The following MAGI1 variants were observed in gnomAD, a reference collection of about 807,000 sequenced individuals.
MAGI1 encodes membrane-associated guanylate kinase, WW and PDZ domain-containing protein 1.
MAGI1 carries 58 observed loss-of-function variants against 139.9 expected under a neutral mutation model. That is an observed-to-expected ratio of 0.41 (90% CI 0.34 to 0.52). The LOEUF is 0.52. Ranked by LOEUF, MAGI1 falls within the 20% of genes least tolerant of loss-of-function variation. MAGI1 has a pLI of 0.12. For missense variants in MAGI1, 1,874 were observed against 1,901.6 expected (o/e 0.99, Z 0.27); for synonymous variants, 812 against 737.9 (o/e 1.10, Z -1.63).
intron 12 of MAGI1, among the ~76,000 whole-genome samples, chr3:65,419,139 C>A (rs894077349): frequency 2.6e-5 from 4 of 152,032 alleles, no homozygotes; most frequent in Non-Finnish European, 4.4e-5. Context: ...AGCCCCATGG[C>A]TCTAAATAAC....
intron 1 of MAGI1, among the ~76,000 whole-genome samples, chr3:65,891,619 G>T (rs1156247967): frequency 1.3e-5 from 2 of 150,748 alleles, no homozygotes; most frequent in African/African-American, 4.9e-5. Flanking sequence ...ATAACCAAGG[G>T]TGACAAAAGC....
intron 1 of MAGI1, among the ~76,000 whole-genome samples, chr3:65,911,559 A>G (rs2061671963): frequency 6.6e-6 from 1 of 152,148 alleles, no homozygotes; most frequent in Non-Finnish European, 1.5e-5. Context: ...TTAGGACCAA[A>G]CTATATCCTA....
At chr3:65,973,578 C>G (rs1466562914) in intron 1 of MAGI1, among the ~76,000 whole-genome samples, 2 of 152,200 alleles carry the variant, frequency 1.3e-5, no homozygotes, top group Non-Finnish European at 2.9e-5. Context: ...GCCATATAAA[C>G]ATATGCACAA....
At chr3:65,610,936 A>G (rs2083051399) in intron 2 of MAGI1, among the ~76,000 whole-genome samples, 1 of 139,956 alleles carries the variant, frequency 7.1e-6, no homozygotes, top group South Asian at 2.2e-4. Flanking sequence ...TAGATAGTAT[A>G]TATAGTAGAT....
chr3:65,820,519 A>C (rs2041889813), intron 1 of MAGI1, among the ~76,000 whole-genome samples: 1 of 152,118 alleles, frequency 6.6e-6, no homozygotes, highest in East Asian at 1.9e-4. Context: ...CATACACATT[A>C]GGCGTCCTTA....
chr3:65,565,232 TGCTGTA>T (rs1425339795), intron 2 of MAGI1, among the ~76,000 whole-genome samples: 1 of 152,346 alleles, frequency 6.6e-6, no homozygotes, highest in East Asian at 1.9e-4. Context: ...CAGTATCTGA[TGCTGTA>T]GCTTATGTCA....
intron 2 of MAGI1, among the ~76,000 whole-genome samples, chr3:65,572,737 GTAT>G (rs1458349588): frequency 6.6e-6 from 1 of 151,798 alleles, no homozygotes; most frequent in Non-Finnish European, 1.5e-5. Context: ...TGTCCCATAA[GTAT>G]TATTATGTTC....
At chr3:66,025,495 C>G (rs1212651303) in intron 1 of MAGI1, among the ~76,000 whole-genome samples, 1 of 152,144 alleles carries the variant, frequency 6.6e-6, no homozygotes, top group Non-Finnish European at 1.5e-5. Flanking sequence ...GACCGTGCCA[C>G]TACACTCCAG....
chr3:65,594,704 T>G (rs2082106801), intron 2 of MAGI1, among the ~76,000 whole-genome samples: 1 of 152,166 alleles, frequency 6.6e-6, no homozygotes, highest in African/African-American at 2.4e-5. Context: ...AAAACAAACA[T>G]GCTGAGAAAA....
rs1425748251 is a variant in MAGI1 at position 65,748,394 on chromosome 3, A to G, written c.314-126306T>C. ...CAAGTCTTTTGGGGATGATTAATGC[A>G]AAGCCCAGGGTAGGATATGGGCCTT... On this transcript the variant is annotated intron_variant, in intron 1 of 22. Coordinates refer to ENST00000402939, the MANE Select transcript of MAGI1 (RefSeq NM_001033057.2). 2.0e-5 allele frequency among the ~76,000 whole-genome samples: 3 copies of G among 152,308 alleles called. No homozygotes were observed. In the East Asian group the frequency reaches 5.8e-4, roughly 29 times the overall value.
At chr3:65,730,649 C>G (rs1196600777) in intron 1 of MAGI1, among the ~76,000 whole-genome samples, 1 of 152,150 alleles carries the variant, frequency 6.6e-6, no homozygotes, top group Non-Finnish European at 1.5e-5. Context: ...ATTGTGCTGA[C>G]TAGACACAAA....
At chr3:65,784,204 T>C (rs1320408192) in intron 1 of MAGI1, among the ~76,000 whole-genome samples, 1 of 151,778 alleles carries the variant, frequency 6.6e-6, no homozygotes, top group Admixed American at 6.6e-5. Context: ...GAATGCAAAA[T>C]AGTACAGCCA....
chr3:65,882,687 C>T (rs892004709), intron 1 of MAGI1, among the ~76,000 whole-genome samples: 5 of 152,124 alleles, frequency 3.3e-5, no homozygotes, highest in African/African-American at 7.2e-5. Context: ...AATCCCTGCA[C>T]TTTGGGAAGC....
chr3:65,356,434 G>T lies in MAGI1; in HGVS notation c.4333C>A (p.Pro1445Thr). ...TAAGGTCGCCTTCTCTGCTCCGGGGGATGTCTGGAACTTCTGCCGGCATCC... is the reference window on the plus strand; with the variant it reads ...TAAGGTCGCCTTCTCTGCTCCGGGGTATGTCTGGAACTTCTGCCGGCATCC... ...KQDAGRSSRHPPEQRRRPYKE... is the reference protein window; with the variant it reads ...KQDAGRSSRHTPEQRRRPYKE... Residue 1445 changes from proline to threonine, a missense_variant, in exon 23 of 23, where the codon CCC (proline) becomes ACC (threonine). Pro to Thr is a conservative substitution (Grantham distance 38). This residue lies in a region of MAGI1 where 653 missense variants were observed against 644.5 expected (regional missense o/e 1.01). Transcript: ENST00000402939. 2 of 1,610,154 alleles carry T rather than the reference G, an allele frequency of 1.2e-6. No homozygotes were observed. Among genetic ancestry groups the T allele is most frequent in the Non-Finnish European group, 1.7e-6 (2 of 1,179,340 alleles).
intron 1 of MAGI1, among the ~76,000 whole-genome samples, chr3:65,986,871 T>G: frequency 1.4e-4 from 2 of 14,268 alleles, no homozygotes; most frequent in African/African-American, 4.2e-4. Context: ...AAGGAAGGGA[T>G]TTTTTTTTTT....
At position 65,611,095 on chromosome 3, in the gene MAGI1, TAATA is replaced by T. The variant is rs60854587; in HGVS notation, c.430+10873_430+10876del. On this transcript the variant is annotated intron_variant, in intron 2 of 22. Transcript: ENST00000402939. Reference sequence around the variant, plus strand: ...ATAGTATATGTACTATATACATATATAATATATAGTATATTATATACGTATATAA... The same window carrying T: ...ATAGTATATGTACTATATACATATATTATAGTATATTATATACGTATATAA... Among the ~76,000 whole-genome samples the T allele has an allele frequency of 8.5e-3, 1,171 of 138,202 alleles. 22 individuals carry two copies. The highest frequency in any genetic ancestry group is 0.03 in the African/African-American group (1,139 of 38,212). 90.7% of individuals were successfully genotyped at this position (138,202 alleles called of 152,430 possible).
intron 1 of MAGI1, among the ~76,000 whole-genome samples, chr3:65,685,840 A>G (rs935643940): frequency 2.0e-5 from 3 of 152,202 alleles, no homozygotes; most frequent in Admixed American, 6.5e-5. Flanking sequence ...AGAGACAGAA[A>G]TTAAGCTGGA....
intron 1 of MAGI1, among the ~76,000 whole-genome samples, chr3:65,801,842 C>T (rs1004543838): frequency 6.6e-6 from 1 of 152,154 alleles, no homozygotes; most frequent in Non-Finnish European, 1.5e-5. Context: ...CAGACTGCTA[C>T]CAGTCCATGG....
chr3:65,889,048 A>G (rs1169296931), intron 1 of MAGI1, among the ~76,000 whole-genome samples: 1 of 152,162 alleles, frequency 6.6e-6, no homozygotes. Flanking sequence ...AGTACTATTC[A>G]TTATCAGATT....
Sources: allele counts gnomAD v4.1 joint callset (sites outside exome capture counted in the v4.1 genomes callset), GRCh38; gene constraint gnomAD v4.1.1; regional missense constraint gnomAD v4.1.1; transcripts MANE v1.5; gene names NCBI Gene and HGNC (gene_info 2026-07-23, HGNC 2026-07-21).